POU6F2: variants seen among roughly 807,000 people sequenced by gnomAD.
The protein encoded by POU6F2 is POU domain, class 6, transcription factor 2.
POU6F2 carries 31 observed loss-of-function variants against 71.3 expected under a neutral mutation model. The observed-to-expected ratio is 0.43, with a 90% CI of 0.33 to 0.59. The LOEUF (loss-of-function observed/expected upper bound fraction) is 0.59, where lower values mean the gene tolerates loss of function less well. Ranked by LOEUF, POU6F2 falls within the 20% of genes least tolerant of loss-of-function variation. The pLI is 0.04. For synonymous variants in POU6F2, 347 were observed against 355.7 expected, an observed-to-expected ratio of 0.98 and a Z score of 0.27; for missense variants, 783 against 856.8, an observed-to-expected ratio of 0.91 and a Z score of 1.07.
chr7:39,386,138 A>G (rs1786937930), intron 5 of POU6F2, among the ~76,000 whole-genome samples: 1 of 149,868 alleles, frequency 6.7e-6, no homozygotes, highest in Non-Finnish European at 1.5e-5. Context: ...AAAAAAAAGA[A>G]CCAACTTAGG....
At chr7:39,070,149 G>A (rs901927992) in intron 1 of POU6F2, among the ~76,000 whole-genome samples, 1 of 152,190 alleles carries the variant, frequency 6.6e-6, no homozygotes, top group Non-Finnish European at 1.5e-5. Flanking sequence ...CTAAAGCTGA[G>A]AGATGATTTA....
At chr7:39,270,447 A>G (rs969045208) in intron 4 of POU6F2, among the ~76,000 whole-genome samples, 2 of 152,252 alleles carry the variant, frequency 1.3e-5, no homozygotes, top group African/African-American at 4.8e-5. Context: ...GTCAGAGATC[A>G]TGCTTTTAAC....
At chr7:39,330,781 AT>A (rs1343508089) in intron 4 of POU6F2, among the ~76,000 whole-genome samples, 3 of 152,156 alleles carry the variant, frequency 2.0e-5, no homozygotes, top group African/African-American at 7.2e-5. Flanking sequence ...TGTATTCATT[AT>A]TTCGTGCATT....
chr7:39,075,221 A>G (rs73373246), intron 1 of POU6F2, among the ~76,000 whole-genome samples: 2,782 of 152,220 alleles, frequency 0.018, 75 homozygotes, highest in African/African-American at 0.064. Flanking sequence ...TATAATGTGA[A>G]CAACACATTC....
intron 4 of POU6F2, among the ~76,000 whole-genome samples, chr7:39,251,910 A>C (rs1783926367): frequency 6.6e-6 from 1 of 152,122 alleles, no homozygotes; most frequent in Admixed American, 6.5e-5. Flanking sequence ...GTTTGATCAT[A>C]ACCAGGGGAG....
chr7:39,454,132 G>C (rs1202487111), intron 8 of POU6F2, among the ~76,000 whole-genome samples: 1 of 152,270 alleles, frequency 6.6e-6, no homozygotes, highest in South Asian at 2.1e-4. Context: ...TACTATAAAG[G>C]ATATGATAAA....
intron 2 of POU6F2, among the ~76,000 whole-genome samples, chr7:39,090,474 A>G (rs1791341056): frequency 6.6e-6 from 1 of 152,114 alleles, no homozygotes; most frequent in Non-Finnish European, 1.5e-5. Flanking sequence ...ATGCCCATGC[A>G]TCAGTGGAGG....
chr7:39,082,509 G>C (rs921885713), intron 1 of POU6F2, among the ~76,000 whole-genome samples: 2 of 152,130 alleles, frequency 1.3e-5, no homozygotes, highest in African/African-American at 4.8e-5. Flanking sequence ...GGTTGAAGTT[G>C]CAGGTCTCTT....
chr7:39,241,282 T>G (rs1221986493), intron 4 of POU6F2, among the ~76,000 whole-genome samples: 6 of 152,196 alleles, frequency 3.9e-5, no homozygotes, highest in Middle Eastern at 3.4e-3. Flanking sequence ...CAATGGAGAG[T>G]GATTGCTCCA....
rs1183726939 is a variant in POU6F2 at position 39,460,929 on chromosome 7, C to G, written c.1658+214C>G. On this transcript the variant is annotated intron_variant, in intron 9 of 9. Coordinates refer to ENST00000518318, the MANE Select transcript of POU6F2 (RefSeq NM_001370959.1). This position sits in a 1 kb window ranked among gnomAD's most constrained non-coding sequence, Gnocchi z 4.4. ...CCTGGCTTGATAACTCCTGTCAACTCACAAAGAACTTCCAAGGCAGTCTCA... is the reference window on the plus strand; with the variant it reads ...CCTGGCTTGATAACTCCTGTCAACTGACAAAGAACTTCCAAGGCAGTCTCA... Among the ~76,000 whole-genome samples, 1 of 152,122 alleles carries G rather than the reference C, an allele frequency of 6.6e-6. No homozygotes were observed. Among genetic ancestry groups the G allele is most frequent in the African/African-American group, 2.4e-5 (1 of 41,422 alleles).
At chr7:39,208,847 G>A (rs184137405) in intron 4 of POU6F2, among the ~76,000 whole-genome samples, 6 of 152,294 alleles carry the variant, frequency 3.9e-5, no homozygotes, top group Non-Finnish European at 8.8e-5. Flanking sequence ...GGTGAAAGCC[G>A]AAGCAACAAA....
intron 4 of POU6F2, among the ~76,000 whole-genome samples, chr7:39,209,287 A>G (rs1794092539): frequency 6.6e-6 from 1 of 152,154 alleles, no homozygotes; most frequent in African/African-American, 2.4e-5. Context: ...CAAGCTTTGT[A>G]GCCTGATTAA....
At chr7:39,415,725 A>G (rs947150506) in intron 6 of POU6F2, among the ~76,000 whole-genome samples, 3 of 152,222 alleles carry the variant, frequency 2.0e-5, no homozygotes, top group African/African-American at 7.2e-5. Context: ...ACTTCCAGAA[A>G]AGAACAATGA....
At chr7:39,256,077 T>C (rs1360807704) in intron 4 of POU6F2, among the ~76,000 whole-genome samples, 1 of 151,864 alleles carries the variant, frequency 6.6e-6, no homozygotes, top group African/African-American at 2.4e-5. Flanking sequence ...CTTTCCCGGG[T>C]ACATTCCTTG....
Position 39,334,818 on chromosome 7 carries a change from G to A in POU6F2, c.599-4824G>A, listed in dbSNP as rs562931633. Reference sequence around the variant, plus strand: ...TTCTTCTTCTAGAGATCTTAGTGGGGAGCAAAAGCACACAATAAATACAGA... The same window carrying A: ...TTCTTCTTCTAGAGATCTTAGTGGGAAGCAAAAGCACACAATAAATACAGA... On this transcript the variant is annotated intron_variant, in intron 4 of 9. Transcript: ENST00000518318. Among the ~76,000 whole-genome samples the A allele has an allele frequency of 5.9e-5, 9 of 152,278 alleles. No homozygotes were observed. In the South Asian group the frequency reaches 1.9e-3, roughly 32 times the overall value.
At chr7:39,195,551 C>G (rs554956394) in intron 2 of POU6F2, among the ~76,000 whole-genome samples, 1 of 151,870 alleles carries the variant, frequency 6.6e-6, no homozygotes, top group African/African-American at 2.4e-5. Flanking sequence ...GCCAAGCGTG[C>G]GGATTCATGT....
intron 4 of POU6F2, among the ~76,000 whole-genome samples, chr7:39,218,071 G>A (rs1794276725): frequency 3.9e-5 from 6 of 152,054 alleles, no homozygotes; most frequent in Admixed American, 2.0e-4. Context: ...TGTAAATCAG[G>A]GCTTCTGATG....
chr7:39,116,388 GA>G (rs1218275860), intron 2 of POU6F2, among the ~76,000 whole-genome samples: 2 of 151,670 alleles, frequency 1.3e-5, no homozygotes, highest in African/African-American at 2.4e-5. Context: ...GTGTCTCAAA[GA>G]AAAAAAATCA....
chr7:39,261,065 GCACACA>G (rs72377948), intron 4 of POU6F2, among the ~76,000 whole-genome samples: 13 of 147,872 alleles, frequency 8.8e-5, no homozygotes, highest in East Asian at 2.0e-4. Flanking sequence ...ATACACACAT[GCACACA>G]CACACACACA....
Sources: allele counts gnomAD v4.1 joint callset (sites outside exome capture counted in the v4.1 genomes callset), GRCh38; gene constraint gnomAD v4.1.1; non-coding constraint Gnocchi (gnomAD v3.1); transcripts MANE v1.5; gene names NCBI Gene and HGNC (gene_info 2026-07-23, HGNC 2026-07-21).